Variants in GALNT13 observed in about 807,000 individuals in gnomAD.
The protein encoded by GALNT13 is UDP-GalNAc:polypeptide N-acetylgalactosaminyltransferase 13.
Under a neutral mutation model 64.2 loss-of-function variants are expected in GALNT13, and 28 were observed. That is an observed-to-expected ratio of 0.44 (90% confidence interval 0.32 to 0.60). The LOEUF is 0.60. Ranked by LOEUF, GALNT13 falls within the 20% of genes least tolerant of loss-of-function variation. The pLI is 0.05. For synonymous variants in GALNT13, 214 were observed against 224.6 expected (o/e 0.95, Z 0.42); for missense variants, 577 against 669.8 (o/e 0.86, Z 1.53).
At chr2:153,706,027 T>G in the GALNT13 span, among the ~76,000 whole-genome samples, 1 of 152,098 alleles carries the variant, frequency 6.6e-6, no homozygotes, top group East Asian at 1.9e-4. Flanking sequence ...AGACAGAGCC[T>G]AACTCTGTCG....
the GALNT13 span, among the ~76,000 whole-genome samples, chr2:153,830,038 T>G: frequency 3.3e-5 from 5 of 152,176 alleles, no homozygotes; most frequent in East Asian, 9.6e-4. Flanking sequence ...GAATGGAAAG[T>G]TTTAAAAGTA....
At chr2:153,311,142 GC>G in the GALNT13 span, among the ~76,000 whole-genome samples, 1 of 152,114 alleles carries the variant, frequency 6.6e-6, no homozygotes, top group Non-Finnish European at 1.5e-5. Flanking sequence ...AATTTTAAGA[GC>G]AAAGGTAAAG....
chr2:154,255,737 T>C (rs569290059), intron 7 of GALNT13, among the ~76,000 whole-genome samples: 3 of 152,040 alleles, frequency 2.0e-5, no homozygotes, highest in African/African-American at 7.2e-5. Context: ...CCCCAGATGG[T>C]TGAGAAGAGT....
In GALNT13 at chr2:154,273,978, G is replaced by T. The variant is rs192188636; in HGVS notation, c.975+14840G>T. On this transcript the variant is annotated intron_variant, in intron 8 of 12. Transcript: ENST00000392825. ...TAGTATAGATTAAATATATAAGAAG[G>T]TTTTTTCTCATTATTTTGTTTCTTA... Among the ~76,000 whole-genome samples, 62 of 151,620 alleles carry T rather than the reference G, an allele frequency of 4.1e-4. No individual in the cohort carries two copies. The East Asian group carries it at 0.01, about 25-fold the overall frequency.
At chr2:153,102,537 A>G in the GALNT13 span, among the ~76,000 whole-genome samples, 2 of 152,206 alleles carry the variant, frequency 1.3e-5, no homozygotes, top group African/African-American at 4.8e-5. Flanking sequence ...ATTACAAAGA[A>G]CATAGTAAAA....
At chr2:153,379,857 G>T in the GALNT13 span, among the ~76,000 whole-genome samples, 42 of 152,100 alleles carry the variant, frequency 2.8e-4, no homozygotes, top group Admixed American at 1.6e-3. Flanking sequence ...GTTTTTATAT[G>T]CAAATATCTT....
intron 4 of GALNT13, among the ~76,000 whole-genome samples, chr2:154,235,064 C>G (rs1319161692): frequency 1.3e-5 from 2 of 152,118 alleles, no homozygotes; most frequent in Non-Finnish European, 2.9e-5. Flanking sequence ...ACCTGAGATT[C>G]CTACGACATA....
chr2:153,497,522 ATTTTTT>A, the GALNT13 span, among the ~76,000 whole-genome samples: 17 of 36,888 alleles, frequency 4.6e-4, no homozygotes, highest in African/African-American at 1.8e-3. Context: ...TTTCTCCCGC[ATTTTTT>A]TTTTTTTTTT....
intron 3 of GALNT13, among the ~76,000 whole-genome samples, chr2:154,019,717 ATACTT>A (rs1163748783): frequency 6.6e-6 from 1 of 150,836 alleles, no homozygotes. Flanking sequence ...TCATTTTATT[ATACTT>A]TAAGTTTTAG....
intron 12 of GALNT13, among the ~76,000 whole-genome samples, chr2:154,444,414 G>A (rs1406590069): frequency 2.0e-5 from 3 of 152,090 alleles, no homozygotes; most frequent in Admixed American, 1.3e-4. Context: ...GTGTGTTACT[G>A]TATTCATTTC....
chr2:154,166,929 A>G (rs964522961), intron 4 of GALNT13, among the ~76,000 whole-genome samples: 1 of 151,918 alleles, frequency 6.6e-6, no homozygotes, highest in African/African-American at 2.4e-5. Context: ...TTGAACAATG[A>G]GAACACATGG....
the GALNT13 span, among the ~76,000 whole-genome samples, chr2:153,520,820 T>A: frequency 1.3e-5 from 2 of 152,308 alleles, no homozygotes; most frequent in South Asian, 4.1e-4. Flanking sequence ...CAAATCTGAA[T>A]AATTTCCTTT....
At chr2:153,279,374 C>G in the GALNT13 span, among the ~76,000 whole-genome samples, 1 of 152,064 alleles carries the variant, frequency 6.6e-6, no homozygotes, top group South Asian at 2.1e-4. Flanking sequence ...ACTGCTCTGG[C>G]TAGGACTTGG....
the GALNT13 span, among the ~76,000 whole-genome samples, chr2:153,506,575 T>C: frequency 1.3e-5 from 2 of 151,548 alleles, no homozygotes; most frequent in African/African-American, 4.9e-5. Context: ...CTGGAAAAGA[T>C]GTTATCTTTC....
chr2:153,523,259 A>G, the GALNT13 span, among the ~76,000 whole-genome samples: 2 of 152,096 alleles, frequency 1.3e-5, no homozygotes, highest in African/African-American at 4.8e-5. Flanking sequence ...GGCAATATCA[A>G]TACTCCAACT....
the GALNT13 span, among the ~76,000 whole-genome samples, chr2:153,657,502 T>G: frequency 6.6e-6 from 1 of 152,088 alleles, no homozygotes; most frequent in South Asian, 2.1e-4. Context: ...ATTTTACAGT[T>G]GCAGAATCTG....
At chr2:153,549,027 C>T in the GALNT13 span, among the ~76,000 whole-genome samples, 32 of 152,156 alleles carry the variant, frequency 2.1e-4, no homozygotes, top group Admixed American at 7.2e-4. Flanking sequence ...ACATAGTATA[C>T]GACTTAATTT....
intron 3 of GALNT13, among the ~76,000 whole-genome samples, chr2:153,962,286 T>C (rs560671143): frequency 1.3e-5 from 2 of 152,272 alleles, no homozygotes; most frequent in South Asian, 2.1e-4. Context: ...CATATTTACA[T>C]TGTAGTAGTC....
At chr2:153,378,521 G>A in the GALNT13 span, among the ~76,000 whole-genome samples, 5 of 151,996 alleles carry the variant, frequency 3.3e-5, no homozygotes, top group Non-Finnish European at 7.4e-5. Flanking sequence ...GAAGTCAAGG[G>A]GCTGACCTCC....
Sources: gnomAD v4.1 joint callset for allele counts (sites outside exome capture counted in the v4.1 genomes callset) on GRCh38, gnomAD v4.1.1 for gene constraint, MANE v1.5 for transcripts, NCBI Gene and HGNC (gene_info 2026-07-23, HGNC 2026-07-21) for gene names.